The following NRG3 variants were observed in gnomAD, a reference collection of about 807,000 sequenced individuals.
The protein encoded by NRG3 is pro-neuregulin-3, membrane-bound isoform.
In NRG3, 31 loss-of-function variants were observed where a neutral mutation model predicts 66.9. The ratio of observed to expected loss-of-function variants is 0.46; its 90% CI spans 0.35 to 0.63. The LOEUF (loss-of-function observed/expected upper bound fraction) is 0.63. NRG3 is among the 20% of genes least tolerant of loss of function. NRG3 has a pLI of 0.00. For missense variants in NRG3, 910 were observed against 878.9 expected, an observed-to-expected ratio of 1.04 and a Z score of -0.45; for synonymous variants, 393 against 359.4, an observed-to-expected ratio of 1.09 and a Z score of -1.06.
chr10:82,673,714 G>A (rs1361841461), intron 2 of NRG3, among the ~76,000 whole-genome samples: 1 of 152,186 alleles, frequency 6.6e-6, no homozygotes, highest in African/African-American at 2.4e-5. Flanking sequence ...AATCTTCACT[G>A]GGCTTTCAGA....
intron 1 of NRG3, among the ~76,000 whole-genome samples, chr10:82,043,289 G>T (rs978905856): frequency 6.6e-6 from 1 of 151,960 alleles, no homozygotes; most frequent in Non-Finnish European, 1.5e-5. Flanking sequence ...GCAAGTTCAA[G>T]CTTATGAACT....
intron 1 of NRG3, among the ~76,000 whole-genome samples, chr10:82,062,542 G>A (rs2064215960): frequency 6.6e-6 from 1 of 151,712 alleles, no homozygotes; most frequent in Non-Finnish European, 1.5e-5. Context: ...GAAGGCAGAG[G>A]TTGCAGTGAG....
chr10:82,528,922 T>G (rs2132622917), intron 2 of NRG3, among the ~76,000 whole-genome samples: 1 of 152,282 alleles, frequency 6.6e-6, no homozygotes, highest in Middle Eastern at 3.4e-3. Context: ...GTTATCCTTC[T>G]GCCTCGCATC....
At chr10:82,057,916 G>GAA (rs962093537) in intron 1 of NRG3, among the ~76,000 whole-genome samples, 1 of 151,700 alleles carries the variant, frequency 6.6e-6, no homozygotes, top group African/African-American at 2.4e-5. Flanking sequence ...ATAAACTGAA[G>GAA]AAAACTTCCC....
At chr10:82,398,493 G>GTA (rs199625389) in intron 2 of NRG3, among the ~76,000 whole-genome samples, 13,928 of 120,870 alleles carry the variant, frequency 0.12, 1,501 homozygotes, top group African/African-American at 0.34. Flanking sequence ...CTTCGTGTAT[G>GTA]TGTGTGTGTG....
At chr10:82,599,304 G>T (rs1481139867) in intron 2 of NRG3, among the ~76,000 whole-genome samples, 1 of 152,118 alleles carries the variant, frequency 6.6e-6, no homozygotes, top group Non-Finnish European at 1.5e-5. Context: ...ATGCAAGTTG[G>T]TGGAACTTGT....
At chr10:82,656,768 A>G (rs1401207399) in intron 2 of NRG3, among the ~76,000 whole-genome samples, 1 of 152,142 alleles carries the variant, frequency 6.6e-6, no homozygotes, top group African/African-American at 2.4e-5. Context: ...AAACATTAAG[A>G]CATGCCCCCT....
intron 2 of NRG3, among the ~76,000 whole-genome samples, chr10:82,636,184 T>A (rs10749054): frequency 0.63 from 95,128 of 151,852 alleles, 29,877 homozygotes; most frequent in Middle Eastern, 0.72. Flanking sequence ...TAGCCATTAA[T>A]CTGAACTCAT....
intron 4 of NRG3, among the ~76,000 whole-genome samples, chr10:82,893,323 G>C (rs2136136663): frequency 6.6e-6 from 1 of 152,258 alleles, no homozygotes; most frequent in African/African-American, 2.4e-5. Context: ...TTTATAATCA[G>C]GGATATTAAC....
chr10:82,625,780 G>A (rs1265454486), intron 2 of NRG3, among the ~76,000 whole-genome samples: 1 of 152,180 alleles, frequency 6.6e-6, no homozygotes, highest in African/African-American at 2.4e-5. Context: ...TTGTATGTTG[G>A]TTGATATGGT....
chr10:81,899,975 T>C (rs1193319208), intron 1 of NRG3, among the ~76,000 whole-genome samples: 3 of 152,090 alleles, frequency 2.0e-5, no homozygotes, highest in East Asian at 3.8e-4. Flanking sequence ...TTCTTTCTTT[T>C]TTTTTTTTTC....
At chr10:82,769,804 C>A (rs935798281) in intron 3 of NRG3, among the ~76,000 whole-genome samples, 1 of 152,010 alleles carries the variant, frequency 6.6e-6, no homozygotes, top group Non-Finnish European at 1.5e-5. Context: ...ATAAATATAA[C>A]CAAATATAAC....
intron 2 of NRG3, among the ~76,000 whole-genome samples, chr10:82,518,938 G>A (rs1486826480): frequency 2.6e-5 from 4 of 152,120 alleles, no homozygotes; most frequent in Non-Finnish European, 5.9e-5. Context: ...GCTCAGTAGA[G>A]GTCAAGGGGA....
At position 82,753,464 on chromosome 10, in the gene NRG3, A is replaced by G. The variant is rs1005390477; in HGVS notation, c.1027+14814A>G. 4.6e-5 allele frequency among the ~76,000 whole-genome samples: 7 copies of G among 151,978 alleles called. No individual in the cohort carries two copies. In the South Asian group the frequency reaches 1.5e-3, roughly 32 times the overall value. ...TCTTTGCATTTTGTCTTTGATTATGATAGTTCAGGCACAACAGGAAACTTC... is the reference window on the plus strand; with the variant it reads ...TCTTTGCATTTTGTCTTTGATTATGGTAGTTCAGGCACAACAGGAAACTTC... On this transcript the variant is annotated intron_variant, in intron 3 of 8. Transcript: ENST00000372141.
At chr10:82,372,134 T>C (rs1007539826) in intron 2 of NRG3, among the ~76,000 whole-genome samples, 1 of 152,198 alleles carries the variant, frequency 6.6e-6, no homozygotes, top group Admixed American at 6.5e-5. Context: ...GATAAGAGCC[T>C]TTTTATTTCT....
At chr10:82,332,473 A>G (rs1178750770) in intron 1 of NRG3, among the ~76,000 whole-genome samples, 1 of 152,124 alleles carries the variant, frequency 6.6e-6, no homozygotes, top group African/African-American at 2.4e-5. Context: ...CTTAGTGACT[A>G]TTAATCCAAC....
intron 2 of NRG3, among the ~76,000 whole-genome samples, chr10:82,713,002 C>A (rs1041939110): frequency 1.3e-5 from 2 of 151,104 alleles, no homozygotes; most frequent in Admixed American, 6.6e-5. Context: ...TGCCTATAAT[C>A]CTAGCTACTC....
intron 1 of NRG3, among the ~76,000 whole-genome samples, chr10:82,296,194 G>C (rs1326986350): frequency 6.6e-6 from 1 of 152,202 alleles, no homozygotes; most frequent in Non-Finnish European, 1.5e-5. Flanking sequence ...TGTAAAGTCA[G>C]TGTGGCCGCA....
intron 1 of NRG3, among the ~76,000 whole-genome samples, chr10:82,198,237 G>C (rs1376886318): frequency 1.3e-5 from 2 of 152,116 alleles, no homozygotes; most frequent in East Asian, 3.9e-4. Flanking sequence ...ATTCCAAACG[G>C]AAGAAAAAGA....
Sources: allele counts gnomAD v4.1 joint callset (sites outside exome capture counted in the v4.1 genomes callset), GRCh38; gene constraint gnomAD v4.1.1; transcripts MANE v1.5; gene names NCBI Gene and HGNC (gene_info 2026-07-23, HGNC 2026-07-21).